RAC1: variants seen among roughly 807,000 people sequenced by gnomAD.
RAC1 encodes Rac family small GTPase 1.
A neutral mutation model predicts 25.2 loss-of-function variants in RAC1; 2 were observed. The ratio of observed to expected loss-of-function variants is 0.08; its 90% CI spans 0.03 to 0.25. RAC1 has a LOEUF of 0.25. Among genes scored for constraint, RAC1 ranks in the 10% least tolerant of loss-of-function variants. The probability of loss-of-function intolerance (pLI) is 1.00; values close to 1 mark genes in which losing one functional copy is unlikely to be tolerated. For synonymous variants in RAC1, 88 were observed against 94.0 expected (o/e 0.94, Z 0.37); for missense variants, 50 against 235.7 (o/e 0.21, Z 5.16).
chr7:6,378,492 G>C (rs1472324572), intron 1 of RAC1, among the ~76,000 whole-genome samples: 1 of 152,068 alleles, frequency 6.6e-6, no homozygotes, highest in Non-Finnish European at 1.5e-5. Context: ...GTTGCAGTGA[G>C]CTGAGATTGT....
At chr7:6,382,084 C>T (rs768682216) in intron 1 of RAC1, among the ~76,000 whole-genome samples, 13 of 152,084 alleles carry the variant, frequency 8.5e-5, no homozygotes, top group Admixed American at 2.6e-4. Flanking sequence ...ACCTCTACCC[C>T]GTGGCCTCAA....
chr7:6,380,207 T>A (rs924058624), intron 1 of RAC1, among the ~76,000 whole-genome samples: 1 of 149,908 alleles, frequency 6.7e-6, no homozygotes, highest in Non-Finnish European at 1.5e-5. Context: ...TTCAGCTGTT[T>A]TGTGTGTTTT....
chr7:6,400,927 G>T (rs1046633603), intron 4 of RAC1, among the ~76,000 whole-genome samples: 5 of 151,184 alleles, frequency 3.3e-5, no homozygotes, highest in African/African-American at 1.2e-4. Flanking sequence ...CGCGCGTCTC[G>T]GCCTCCCAAA....
chr7:6,382,615 G>C (rs1782801114), intron 1 of RAC1, among the ~76,000 whole-genome samples: 1 of 152,228 alleles, frequency 6.6e-6, no homozygotes. Flanking sequence ...TGTAACCCCA[G>C]CACTTTGGGA....
At chr7:6,389,734 C>T (rs1191189106) in intron 2 of RAC1, among the ~76,000 whole-genome samples, 1 of 152,072 alleles carries the variant, frequency 6.6e-6, no homozygotes, top group African/African-American at 2.4e-5. Flanking sequence ...GCTATATTGC[C>T]CAGGCTGGTC....
At chr7:6,402,091 T>G in intron 5 of RAC1, 64 bp downstream of exon 5, 1 of 1,553,800 alleles carries the variant, frequency 6.4e-7, no homozygotes, top group Admixed American at 1.8e-5. Flanking sequence ...GAGACTGGAG[T>G]CCAGTCTGGG....
chr7:6,382,535 CTAAAGTT>C (rs1468926904), intron 1 of RAC1, among the ~76,000 whole-genome samples: 1 of 152,112 alleles, frequency 6.6e-6, no homozygotes, highest in East Asian at 1.9e-4. Context: ...GGAAGTAACA[CTAAAGTT>C]TACCCTACTC....
chr7:6,401,598 T>C lies in RAC1; in HGVS notation c.289-270T>C, dbSNP rs532993076. The C allele has an allele frequency of 7.9e-4, 205 of 260,228 alleles. 1 individual carries two copies. The highest frequency in any genetic ancestry group is 4.3e-3 in the African/African-American group (193 of 45,374). The allele number at this position is 260,228 out of a possible 1,614,324, so 16.1% of individuals were successfully genotyped here. A position where few individuals can be genotyped will look rare whatever the true frequency, so the allele number is the denominator to read the frequency against. ...TCCCTTCCTTTTGTTTCTCTTCCCT[T>C]CCCCCCTTCCCCTGCGGTTGTAGAG... On this transcript the variant is annotated intron_variant, in intron 4 of 5. Transcript: ENST00000348035.
intron 1 of RAC1, among the ~76,000 whole-genome samples, chr7:6,383,272 TGGAAGCGCAGCGTG>T (rs1198708904): frequency 2.6e-5 from 4 of 152,222 alleles, no homozygotes; most frequent in Non-Finnish European, 5.9e-5. Context: ...ACTTGGTTTG[TGGAAGCGCAGCGTG>T]GACAAGGAAT....
chr7:6,392,302 C>G lies in RAC1; in HGVS notation c.225+261C>G, dbSNP rs702484. Among the ~76,000 whole-genome samples the G allele has an allele frequency of 0.35, 53,693 of 152,008 alleles. 10,385 individuals carry two copies. Among genetic ancestry groups the G allele is most frequent in the East Asian group, 0.79 (4,103 of 5,170 alleles). On this transcript the variant is annotated intron_variant, in intron 3 of 5. Transcript: ENST00000348035. Reference sequence around the variant, plus strand: ...GCTTTAGAATAACCGTATGAAAGAGCTACTTTTTGTTTTTGCAAACCAGTT... The same window carrying G: ...GCTTTAGAATAACCGTATGAAAGAGGTACTTTTTGTTTTTGCAAACCAGTT...
chr7:6,375,064 C>A (rs1296082920), intron 1 of RAC1, among the ~76,000 whole-genome samples: 8 of 141,446 alleles, frequency 5.7e-5, no homozygotes, highest in Non-Finnish European at 1.1e-4. Context: ...CCGCCGCCCT[C>A]CTCGGGAGCG....
chr7:6,395,178 C>A (rs1181167244), intron 3 of RAC1, among the ~76,000 whole-genome samples: 1 of 152,066 alleles, frequency 6.6e-6, no homozygotes, highest in Non-Finnish European at 1.5e-5. Flanking sequence ...TTTGGTCAGG[C>A]TGGTCTCCAA....
intron 1 of RAC1, among the ~76,000 whole-genome samples, chr7:6,382,880 C>A (rs1336157375): frequency 6.6e-6 from 1 of 152,120 alleles, no homozygotes; most frequent in Non-Finnish European, 1.5e-5. Flanking sequence ...TCTTAAAGTT[C>A]TCTTAATGGA....
intron 3 of RAC1, among the ~76,000 whole-genome samples, chr7:6,396,454 G>A (rs1033009861): frequency 1.3e-5 from 2 of 152,192 alleles, no homozygotes; most frequent in Non-Finnish European, 2.9e-5. Context: ...GGAACAGGCA[G>A]ATGGCATAGC....
intron 3 of RAC1, chr7:6,398,515 C>T (rs916950668): frequency 1.2e-5 from 8 of 651,588 alleles, no homozygotes; most frequent in African/African-American, 7.4e-5. Context: ...CATTTGTCAT[C>T]GAAGATATGT....
At chr7:6,375,807 C>G (rs1325024874) in intron 1 of RAC1, 1 of 152,004 alleles carries the variant, frequency 6.6e-6, no homozygotes, top group East Asian at 1.9e-4. Flanking sequence ...GTGATGGTTA[C>G]AGGCCCTAGA....
chr7:6,381,903 C>CAAA (rs1562462201), intron 1 of RAC1, among the ~76,000 whole-genome samples: 1 of 151,930 alleles, frequency 6.6e-6, no homozygotes, highest in Non-Finnish European at 1.5e-5. Context: ...AAATCGAGGA[C>CAAA]CTTCATGCGA....
At position 6,388,410 on chromosome 7, in the gene RAC1, A is replaced by T. The variant is rs35611757; in HGVS notation, c.107+1127A>T. On this transcript the variant is annotated intron_variant, in intron 2 of 5. Transcript: ENST00000348035. ...GCCCAGGATGGAGTGCTGTGATGCG[A>T]TCTCAGCTCACTGCAGCGTCTGCCT... Among the ~76,000 whole-genome samples, 305 of 136,940 alleles carry T rather than the reference A, an allele frequency of 2.2e-3. No homozygotes were observed. The highest frequency in any genetic ancestry group is 3.7e-3 in the Non-Finnish European group (242 of 65,652). 89.8% of individuals were successfully genotyped at this position (136,940 alleles called of 152,430 possible).
At chr7:6,378,151 CTG>C (rs1782657436) in intron 1 of RAC1, among the ~76,000 whole-genome samples, 1 of 151,736 alleles carries the variant, frequency 6.6e-6, no homozygotes, top group Admixed American at 6.6e-5. Context: ...GCATACAGGG[CTG>C]TGTAAATAAT....
Sources: gnomAD v4.1 joint callset for allele counts (sites outside exome capture counted in the v4.1 genomes callset) on GRCh38, gnomAD v4.1.1 for gene constraint, MANE v1.5 for transcripts, NCBI Gene and HGNC (gene_info 2026-07-23, HGNC 2026-07-21) for gene names.